ETHE1: variants seen among roughly 807,000 people sequenced by gnomAD.
ETHE1 encodes the protein persulfide dioxygenase ETHE1, mitochondrial.
In ETHE1, 16 loss-of-function variants were observed where a neutral mutation model predicts 25.7. That is an observed-to-expected ratio of 0.62 (90% confidence interval 0.42 to 0.95). The LOEUF is 0.95. Among genes scored for constraint, ETHE1 ranks in the 40% least tolerant of loss-of-function variants. The pLI, the probability that ETHE1 is intolerant of heterozygous loss-of-function variation, is 0.00. For synonymous variants in ETHE1, 139 were observed against 135.9 expected (o/e 1.02, Z -0.16); for missense variants, 300 against 333.6 (o/e 0.90, Z 0.79).
Position 43,511,447 on chromosome 19 carries a change from G to C in ETHE1, c.495C>G (p.Asp165Glu). ...AAAGGAGCTGGTCACCTTGCTGGAA[G>C]TCTGTCCGCCCACACCCACGGATCA... ...ALLIRGCGRT[D>E]FQQGCAKTLY... Residue 165 changes from aspartate to glutamate, a missense_variant, in exon 4 of 7, where the codon GAC becomes GAG. By Grantham distance (45) the Asp-to-Glu change is conservative. Coordinates refer to ENST00000292147, the MANE Select transcript of ETHE1 (RefSeq NM_014297.5). 1.2e-6 allele frequency: 2 copies of C among 1,614,208 alleles called. No individual in the cohort carries two copies. Among genetic ancestry groups the C allele is most frequent in the Non-Finnish European group, 1.7e-6 (2 of 1,180,034 alleles).
rs1054362177 is a variant in ETHE1 at position 43,524,007 on chromosome 19, G to A, written c.375+2194C>T. 3.9e-5 allele frequency among the ~76,000 whole-genome samples: 6 copies of A among 152,092 alleles called. No homozygotes were observed. In the South Asian group the frequency reaches 1.0e-3, roughly 26 times the overall value. ...TCCCAACACTTTGGGAGGCCAGGGC[G>A]CGCGGATCACCTGAGATAGGGAGTT... On this transcript the variant is annotated intron_variant, in intron 3 of 6. Coordinates refer to ENST00000292147, the MANE Select transcript of ETHE1 (RefSeq NM_014297.5).
At chr19:43,518,999 G>GTTTTTTTTTTTTTTTTTT (rs71169253) in intron 3 of ETHE1, among the ~76,000 whole-genome samples, 3 of 91,014 alleles carry the variant, frequency 3.3e-5, no homozygotes, top group East Asian at 4.0e-4. Context: ...ATTTGTGCTT[G>GTTTTTTTTTTTTTTTTTT]TTTTTTTTTT....
chr19:43,508,923 C>T, intron 4 of ETHE1, 59 bp from the exon 5 acceptor site: 4 of 1,298,338 alleles, frequency 3.1e-6, no homozygotes, highest in Non-Finnish European at 4.4e-6. Flanking sequence ...CTAACCCCTT[C>T]CTTCAAGAAA....
chr19:43,509,295 G>C (rs1038810055), intron 4 of ETHE1, among the ~76,000 whole-genome samples: 5 of 151,898 alleles, frequency 3.3e-5, no homozygotes, highest in African/African-American at 1.2e-4. Flanking sequence ...TCAGGAGTTC[G>C]AGACCAGCCT....
chr19:43,508,344 C>CT (rs1240235421), intron 5 of ETHE1, among the ~76,000 whole-genome samples: 1 of 102,240 alleles, frequency 9.8e-6, no homozygotes, highest in Non-Finnish European at 2.0e-5. Context: ...AGCACTTTAT[C>CT]TCTTTTTTTT....
chr19:43,526,624 C>T lies in ETHE1; in HGVS notation c.117G>A (p.Leu39=). 6.2e-7 allele frequency: 1 copy of T among 1,614,118 alleles called. No individual in the cohort carries two copies. The highest frequency in any genetic ancestry group is 1.1e-5 in the South Asian group (1 of 91,070). The change falls in exon 2 of 7, where the codon CTG becomes CTA. Residue 39 remains leucine (L), a synonymous_variant. Coordinates refer to ENST00000292147, the MANE Select transcript of ETHE1 (RefSeq NM_014297.5). ...FEPVSCTFTY[L]LGDRESREAV... ...CCTCCCGGGACTCTCTGTCACCCAG[C>T]AGGTACGTGAAGGTGCAGCTCACAG...
At position 43,526,268 on chromosome 19, in the gene ETHE1, G is replaced by T; in HGVS notation, c.308C>A (p.Ser103Tyr). 1 of 1,614,198 alleles carries T rather than the reference G, an allele frequency of 6.2e-7. No homozygotes were observed. The highest frequency in any genetic ancestry group is 2.2e-5 in the East Asian group (1 of 44,876). ...GTCAGCCTGGGCCCCACTAAGGCGG[G>T]AGATGACAGACTGGCAGCCAGGGAG... Reference protein sequence around the residue: ...SLLPGCQSVISRLSGAQADLH... With the variant: ...SLLPGCQSVIYRLSGAQADLH... The change falls in exon 3 of 7, where the codon TCC (serine) becomes TAC (tyrosine). Residue 103 changes from serine to tyrosine, a missense_variant. Transcript: ENST00000292147.
intron 3 of ETHE1, among the ~76,000 whole-genome samples, chr19:43,514,054 TTAA>T (rs1449129345): frequency 6.6e-6 from 1 of 151,720 alleles, no homozygotes; most frequent in African/African-American, 2.4e-5. Flanking sequence ...GACTTTTGAG[TTAA>T]TAGTGAAATG....
intron 3 of ETHE1, among the ~76,000 whole-genome samples, chr19:43,512,878 C>A (rs755467656): frequency 6.6e-6 from 1 of 152,186 alleles, no homozygotes; most frequent in Non-Finnish European, 1.5e-5. Context: ...TTCACAGCAG[C>A]CTCTCCCAAC....
chr19:43,517,547 C>A (rs542862418), intron 3 of ETHE1, among the ~76,000 whole-genome samples: 1 of 150,996 alleles, frequency 6.6e-6, no homozygotes, highest in South Asian at 2.1e-4. Context: ...GAGGCCAAGG[C>A]AGGTGGATGA....
rs368778231 is a variant in ETHE1, at chr19:43,526,554, G to A, written c.187C>T (p.Gln63Ter). The A allele has an allele frequency of 6.8e-6, 11 of 1,613,766 alleles. No individual in the cohort carries two copies. The highest frequency in any genetic ancestry group is 1.3e-5 in the African/African-American group (1 of 74,918). Residue 63 changes from glutamine (Q) to a stop codon, truncating the protein, a stop_gained, in exon 2 of 7, where the codon CAG becomes TAG. Transcript: ENST00000292147. LOFTEE classifies it high-confidence loss of function. ...CGCAGCCCCAGCTCCTTGATCAGCT[G>A]GGCATCCCGAGGCGCTGTTTCCAGG... ...PVLETAPRDA[Q>*]LIKELGLRLL...
At chr19:43,518,901 G>A (rs1222505126) in intron 3 of ETHE1, among the ~76,000 whole-genome samples, 2 of 149,926 alleles carry the variant, frequency 1.3e-5, no homozygotes, top group Non-Finnish European at 2.9e-5. Context: ...ATTTTCACTC[G>A]CATTCCCCAA....
Position 43,520,240 on chromosome 19 carries a change from C to A in ETHE1, c.375+5961G>T, listed in dbSNP as rs114176144. Among the ~76,000 whole-genome samples, 914 of 151,904 alleles carry A rather than the reference C, an allele frequency of 6.0e-3. 14 individuals carry two copies. Among genetic ancestry groups the A allele is most frequent in the African/African-American group, 0.021 (865 of 41,400 alleles). On this transcript the variant is annotated intron_variant, in intron 3 of 6. Coordinates refer to ENST00000292147, the MANE Select transcript of ETHE1 (RefSeq NM_014297.5). ...GTGTGGTGGCACTCGCCTGTAAATC[C>A]AGCTACTGCTACTCGGGAGGCTGAG...
intron 3 of ETHE1, among the ~76,000 whole-genome samples, chr19:43,521,075 G>A (rs1972129427): frequency 6.6e-6 from 1 of 152,046 alleles, no homozygotes; most frequent in East Asian, 1.9e-4. Flanking sequence ...GCTCACTCCT[G>A]TAATCCCTGC....
At chr19:43,520,779 C>T (rs961940225) in intron 3 of ETHE1, among the ~76,000 whole-genome samples, 5 of 151,894 alleles carry the variant, frequency 3.3e-5, no homozygotes, top group East Asian at 1.9e-4. Context: ...AAAAATTACT[C>T]GTTTCACAAT....
At chr19:43,514,529 A>G (rs914417558) in intron 3 of ETHE1, among the ~76,000 whole-genome samples, 3 of 126,886 alleles carry the variant, frequency 2.4e-5, no homozygotes, top group Admixed American at 2.0e-4. Context: ...TCTGTCACCC[A>G]GGCTGCAGTG....
intron 3 of ETHE1, among the ~76,000 whole-genome samples, chr19:43,524,666 T>C (rs1028013556): frequency 6.6e-6 from 1 of 151,992 alleles, no homozygotes; most frequent in African/African-American, 2.4e-5. Flanking sequence ...TAGCCAGGTA[T>C]GGTGGCAGGT....
chr19:43,508,936 G>C, intron 4 of ETHE1, 72 bp from the exon 5 acceptor site: 1 of 1,159,786 alleles, frequency 8.6e-7, no homozygotes, highest in Admixed American at 2.0e-5. Context: ...TCAAGAAAAG[G>C]GTAGGAGGAT....
chr19:43,520,846 A>G (rs184796813), intron 3 of ETHE1, among the ~76,000 whole-genome samples: 4 of 152,270 alleles, frequency 2.6e-5, no homozygotes, highest in East Asian at 1.9e-4. Flanking sequence ...TCAATGGTGG[A>G]GCTTTTAAAA....
Sources: allele counts gnomAD v4.1 joint callset (sites outside exome capture counted in the v4.1 genomes callset), GRCh38; gene constraint gnomAD v4.1.1; transcripts MANE v1.5; gene names NCBI Gene and HGNC (gene_info 2026-07-23, HGNC 2026-07-21).